The following NOD1 variants were observed in gnomAD, a reference collection of about 807,000 sequenced individuals.
NOD1 encodes the protein nucleotide-binding oligomerization domain-containing protein 1.
In NOD1, 70 loss-of-function variants were observed where a neutral mutation model predicts 81.2. The observed-to-expected ratio is 0.86, with a 90% CI of 0.71 to 1.05. The LOEUF (loss-of-function observed/expected upper bound fraction) is 1.05. Among genes scored for constraint, NOD1 ranks in the 50% least tolerant of loss-of-function variants. The pLI is 0.00. For missense variants in NOD1, 1,233 were observed against 1,228.0 expected, an observed-to-expected ratio of 1.00 and a Z score of -0.06; for synonymous variants, 508 against 526.9, an observed-to-expected ratio of 0.96 and a Z score of 0.49.
Position 30,436,065 on chromosome 7 carries a change from T to A in NOD1, c.2554A>T (p.Ile852Phe). 6.2e-7 allele frequency: 1 copy of A among 1,614,130 alleles called. No individual in the cohort carries two copies. The highest frequency in any genetic ancestry group is 1.1e-5 in the South Asian group (1 of 91,084). ...AGGCTCTTTCCTCCTTCTGTGGAGA[T>A]GCCGTTGGACGCAAGACTAGGAAGG... ...LTTLSLASNG[I>F]STEGGKSLAR... Residue 852 changes from isoleucine (I) to phenylalanine (F), a missense_variant, in exon 11 of 14, where the codon ATC (isoleucine) becomes TTC (phenylalanine). Transcript: ENST00000222823.
chr7:30,474,191 A>G (rs1326605272), intron 1 of NOD1, among the ~76,000 whole-genome samples: 2 of 152,264 alleles, frequency 1.3e-5, no homozygotes, highest in East Asian at 3.8e-4. Flanking sequence ...GGAGAAGGAA[A>G]GACCAGCCCT....
chr7:30,437,366 T>A (rs182270670), intron 10 of NOD1, among the ~76,000 whole-genome samples: 3 of 152,294 alleles, frequency 2.0e-5, no homozygotes, highest in East Asian at 1.9e-4. Context: ...ATCTTCTACA[T>A]GTATCCCAGA....
At chr7:30,472,147 G>A (rs1788339814) in intron 1 of NOD1, among the ~76,000 whole-genome samples, 1 of 152,184 alleles carries the variant, frequency 6.6e-6, no homozygotes, top group African/African-American at 2.4e-5. Flanking sequence ...AGTCAGGAGG[G>A]GAAATTCCTC....
chr7:30,474,787 G>A (rs1788612408), intron 1 of NOD1, among the ~76,000 whole-genome samples: 1 of 152,188 alleles, frequency 6.6e-6, no homozygotes, highest in African/African-American at 2.4e-5. Context: ...TCCTGGTTCT[G>A]ACTCCAAAAC....
intron 1 of NOD1, among the ~76,000 whole-genome samples, chr7:30,471,105 G>T (rs554799079): frequency 1.3e-5 from 2 of 148,684 alleles, no homozygotes; most frequent in Non-Finnish European, 2.9e-5. Context: ...AGCTGAAGAC[G>T]TTTATTAACC....
At chr7:30,459,708 T>C (rs771374955) in intron 2 of NOD1, among the ~76,000 whole-genome samples, 193 bp downstream of exon 2, 8 of 152,226 alleles carry the variant, frequency 5.3e-5, no homozygotes, top group Non-Finnish European at 1.0e-4. Context: ...TAGCACAGAA[T>C]TGAGACTTTC....
chr7:30,477,330 A>G (rs1788883576), intron 1 of NOD1, among the ~76,000 whole-genome samples: 1 of 152,190 alleles, frequency 6.6e-6, no homozygotes, highest in Non-Finnish European at 1.5e-5. Flanking sequence ...GATTTCAGCT[A>G]CCTGGCCCCT....
chr7:30,449,167 G>A (rs1743326666), intron 6 of NOD1, among the ~76,000 whole-genome samples: 1 of 152,178 alleles, frequency 6.6e-6, no homozygotes, highest in Non-Finnish European at 1.5e-5. Context: ...TTGATAACAA[G>A]TAAAAGGCTG....
chr7:30,451,121 G>T lies in NOD1; in HGVS notation c.2201+95C>A. On this transcript the variant is annotated intron_variant, in intron 6 of 13. Transcript: ENST00000222823. This position sits in a 1 kb window ranked among gnomAD's most constrained non-coding sequence, Gnocchi z 4.2. ...GACATTCCAAGGGCCATGGTCATGA[G>T]TCCTGGGGGATCCTGGTCCATGATG... 1 of 1,397,690 alleles carries T rather than the reference G, an allele frequency of 7.2e-7. No individual in the cohort carries two copies. The highest frequency in any genetic ancestry group is 1.3e-5 in the South Asian group (1 of 75,188). 86.6% of individuals were successfully genotyped at this position (1,397,690 alleles called of 1,614,324 possible).
At chr7:30,454,715 C>T (rs1329870204) in intron 5 of NOD1, among the ~76,000 whole-genome samples, 1 of 152,064 alleles carries the variant, frequency 6.6e-6, no homozygotes, top group East Asian at 1.9e-4. Context: ...TCGCTGCAGC[C>T]TTAGACTCTG....
In NOD1 at chr7:30,470,262, G is replaced by A. The variant is rs140936324; in HGVS notation, c.-352+8344C>T. On this transcript the variant is annotated intron_variant, in intron 1 of 13. Transcript: ENST00000222823. ...GCAGTGAGTTAATACACGTACATAC[G>A]GTATTTAGAACAGCACTGGTCACAT... is the stretch of plus-strand genomic sequence containing the variant. 1.8e-3 allele frequency among the ~76,000 whole-genome samples: 269 copies of A among 152,282 alleles called. 1 individual carries two copies. Among genetic ancestry groups the A allele is most frequent in the Non-Finnish European group, 2.9e-3 (200 of 68,034 alleles).
At chr7:30,428,692 A>T (rs1783678745) in intron 13 of NOD1, 1 of 151,978 alleles carries the variant, frequency 6.6e-6, no homozygotes, top group Admixed American at 6.6e-5. Context: ...ATTGGCTATG[A>T]AATTCTCCCC....
At chr7:30,430,812 C>T (rs1239632399) in intron 12 of NOD1, among the ~76,000 whole-genome samples, 1 of 152,184 alleles carries the variant, frequency 6.6e-6, no homozygotes, top group Non-Finnish European at 1.5e-5. Context: ...CACACAGGAC[C>T]ACTGGTGGCT....
At chr7:30,465,456 T>A (rs1787597590) in intron 1 of NOD1, among the ~76,000 whole-genome samples, 1 of 152,186 alleles carries the variant, frequency 6.6e-6, no homozygotes, top group Non-Finnish European at 1.5e-5. Context: ...CTGTGCAGAA[T>A]CACCCAGCAG....
In NOD1 at chr7:30,430,985, C is replaced by T. The variant is rs184981904; in HGVS notation, c.2706-1528G>A. Among the ~76,000 whole-genome samples the T allele has an allele frequency of 3.8e-4, 58 of 152,350 alleles. No homozygotes were observed. The East Asian group carries it at 0.011, about 28-fold the overall frequency. ...CAGTTACACTCTGCTGTTTTCTAGT[C>T]ACCACTTAGGCTTTTTTGAAGGCAG... On this transcript the variant is annotated intron_variant, in intron 12 of 13. Coordinates refer to ENST00000222823, the MANE Select transcript of NOD1 (RefSeq NM_006092.4).
intron 1 of NOD1, among the ~76,000 whole-genome samples, chr7:30,465,478 C>A (rs886737324): frequency 1.3e-5 from 2 of 152,176 alleles, no homozygotes; most frequent in African/African-American, 4.8e-5. Flanking sequence ...GGTTTCCCTG[C>A]TCCATTGTGA....
intron 9 of NOD1, 109 bp downstream of exon 9, chr7:30,446,032 G>A: frequency 1.2e-6 from 1 of 831,400 alleles, no homozygotes; most frequent in South Asian, 1.5e-5. Flanking sequence ...CTCCCCGACA[G>A]CGAGCCCCAG....
chr7:30,460,953 G>A (rs1583826242), intron 1 of NOD1, among the ~76,000 whole-genome samples: 1 of 152,228 alleles, frequency 6.6e-6, no homozygotes, highest in East Asian at 1.9e-4. Context: ...CTGCTCTGGT[G>A]AAAAGGAAGC....
Position 30,460,121 on chromosome 7 carries a change from T to TAATC in NOD1, c.-351-84_-351-81dup, listed in dbSNP as rs113094808. ...ATGTCCAGAGCCCTGGCTGAAGATT[T>TAATC]AATCAGGTGTGCAGAGTTAGCTCAA... On this transcript the variant is annotated intron_variant, in intron 1 of 13. Coordinates refer to ENST00000222823, the MANE Select transcript of NOD1 (RefSeq NM_006092.4). The TAATC allele has an allele frequency of 4.4e-4, 206 of 463,370 alleles. 1 individual carries two copies. The highest frequency in any genetic ancestry group is 4.2e-3 in the African/African-American group (199 of 47,264). The allele number at this position is 463,370 out of a possible 1,614,324, so 28.7% of individuals were successfully genotyped here.
Sources: gnomAD v4.1 joint callset for allele counts (sites outside exome capture counted in the v4.1 genomes callset) on GRCh38, gnomAD v4.1.1 for gene constraint, Gnocchi (gnomAD v3.1) non-coding constraint, MANE v1.5 for transcripts, NCBI Gene and HGNC (gene_info 2026-07-23, HGNC 2026-07-21) for gene names.